CREB5: variants seen among roughly 807,000 people sequenced by gnomAD.
The protein encoded by CREB5 is cyclic AMP-responsive element-binding protein 5.
Under a neutral mutation model 57.1 loss-of-function variants are expected in CREB5, and 19 were observed. The observed-to-expected ratio is 0.33, with a 90% confidence interval of 0.23 to 0.49. The LOEUF (loss-of-function observed/expected upper bound fraction) is 0.49, where lower values mean the gene tolerates loss of function less well. Among genes scored for constraint, CREB5 ranks in the 20% least tolerant of loss-of-function variants. The pLI, the probability that CREB5 is intolerant of heterozygous loss-of-function variation, is 0.99. For synonymous variants in CREB5, 238 were observed against 238.3 expected, an observed-to-expected ratio of 1.00 and a Z score of 0.01; for missense variants, 579 against 671.6, an observed-to-expected ratio of 0.86 and a Z score of 1.52.
intron 7 of CREB5, among the ~76,000 whole-genome samples, chr7:28,764,104 A>G (rs545774662): frequency 2.0e-5 from 3 of 152,192 alleles, no homozygotes; most frequent in Admixed American, 6.5e-5. Context: ...TGCCTGGCCT[A>G]AGGATATTAT....
chr7:28,309,558 G>A (rs1184366132), intron 1 of CREB5, among the ~76,000 whole-genome samples: 1 of 152,132 alleles, frequency 6.6e-6, no homozygotes. Flanking sequence ...AGCTGGTGTT[G>A]AGAGCCAGGC....
At chr7:28,763,390 C>A (rs1221183149) in intron 7 of CREB5, among the ~76,000 whole-genome samples, 1 of 152,120 alleles carries the variant, frequency 6.6e-6, no homozygotes, top group Non-Finnish European at 1.5e-5. Context: ...TAAAGACAGT[C>A]CACTATTTCT....
intron 1 of CREB5, among the ~76,000 whole-genome samples, chr7:28,415,842 G>A (rs1189727449): frequency 6.6e-6 from 1 of 152,188 alleles, no homozygotes; most frequent in Non-Finnish European, 1.5e-5. Context: ...AGAAACGGGT[G>A]ATGTTTTCAC....
In CREB5 at chr7:28,392,335, G is replaced by T. The variant is rs116283169; in HGVS notation, c.-25+92894G>T. Among the ~76,000 whole-genome samples the T allele has an allele frequency of 7.1e-3, 1,075 of 152,272 alleles. 15 individuals are homozygous for T. The highest frequency in any genetic ancestry group is 0.024 in the African/African-American group (1,000 of 41,558). ...AAAGAGCATGCTTCTCACCATTCTT[G>T]ATCTAAGGGACTGCTCTAAGCCTCA... On this transcript the variant is annotated intron_variant, in intron 1 of 9. Transcript: ENST00000396299.
intron 4 of CREB5, among the ~76,000 whole-genome samples, chr7:28,510,906 A>C (rs185563367): frequency 6.6e-6 from 1 of 152,334 alleles, no homozygotes; most frequent in Non-Finnish European, 1.5e-5. Flanking sequence ...TCAACTTGCC[A>C]ATGGCTTAGA....
At chr7:28,521,256 G>A (rs979111635) in intron 4 of CREB5, among the ~76,000 whole-genome samples, 1 of 152,214 alleles carries the variant, frequency 6.6e-6, no homozygotes, top group Non-Finnish European at 1.5e-5. Context: ...TAGAGTTTCG[G>A]AAGGCCGTGG....
rs933922106 is a variant in CREB5, at chr7:28,825,119, A to G, written c.*5840A>G. 3.3e-5 allele frequency: 5 copies of G among 152,646 alleles called. No homozygotes were observed. Among genetic ancestry groups the G allele is most frequent in the Admixed American group, 3.3e-4 (5 of 15,282 alleles). 9.5% of individuals were successfully genotyped at this position (152,646 alleles called of 1,614,324 possible). On this transcript the variant is annotated 3_prime_UTR_variant, in exon 11 of 11. Coordinates refer to ENST00000357727, the MANE Select transcript of CREB5 (RefSeq NM_182898.4). ...ACATCATTAAAATCTTATGCACAAT[A>G]AGCTCATTAGATTCTAGTTTTCTCC...
rs1809997465 is a variant in CREB5, at chr7:28,825,265, C to G, written c.*5986C>G. 6.6e-6 allele frequency: 1 copy of G among 152,444 alleles called. No homozygotes were observed. Among genetic ancestry groups the G allele is most frequent in the Non-Finnish European group, 1.5e-5 (1 of 68,040 alleles). The allele number at this position is 152,444 out of a possible 1,614,324, so 9.4% of individuals were successfully genotyped here. A position where few individuals can be genotyped will look rare whatever the true frequency, so the allele number is the denominator to read the frequency against. Reference sequence around the variant, plus strand: ...AGCAGCCAGTAGAAAATACAACCTACTCACCTTTTTCCCTTCTAAGTTCTG... The same window carrying G: ...AGCAGCCAGTAGAAAATACAACCTAGTCACCTTTTTCCCTTCTAAGTTCTG... On this transcript the variant is annotated 3_prime_UTR_variant, in exon 11 of 11. Transcript: ENST00000357727.
intron 1 of CREB5, among the ~76,000 whole-genome samples, chr7:28,484,266 G>C (rs1457926506): frequency 6.6e-6 from 1 of 152,132 alleles, no homozygotes; most frequent in Non-Finnish European, 1.5e-5. Context: ...GTCTGTTTGA[G>C]AGAATAATTA....
chr7:28,569,910 G>GTATA (rs34823218), intron 4 of CREB5, among the ~76,000 whole-genome samples: 2 of 151,848 alleles, frequency 1.3e-5, no homozygotes, highest in Non-Finnish European at 2.9e-5. Context: ...CTTAAAAAAT[G>GTATA]TATATATATG....
chr7:28,491,103 A>C lies in CREB5; in HGVS notation c.75+2857A>C, dbSNP rs896713672. ...ATTAATGAGTGAGTGGGTGGTGAGG[A>C]AGCGGAGGTGGCAAGCATAGAGAAC... On this transcript the variant is annotated intron_variant, in intron 2 of 10. Transcript: ENST00000357727. The C allele has an allele frequency of 1.1e-5, 6 of 551,654 alleles. No individual in the cohort carries two copies. In the East Asian group the frequency reaches 4.3e-4, roughly 40 times the overall value. 34.2% of individuals were successfully genotyped at this position (551,654 alleles called of 1,614,324 possible).
intron 5 of CREB5, among the ~76,000 whole-genome samples, chr7:28,624,217 G>A (rs980796313): frequency 9.9e-5 from 15 of 152,160 alleles, no homozygotes; most frequent in African/African-American, 2.7e-4. Context: ...TCTAATTTGC[G>A]TGAATTCTAA....
At chr7:28,342,800 A>C (rs1320273527) in intron 1 of CREB5, among the ~76,000 whole-genome samples, 1 of 152,198 alleles carries the variant, frequency 6.6e-6, no homozygotes, top group Non-Finnish European at 1.5e-5. Flanking sequence ...GTACATATTG[A>C]TATGGTACAA....
chr7:28,372,121 C>T (rs1786719281), intron 1 of CREB5, among the ~76,000 whole-genome samples: 4 of 152,024 alleles, frequency 2.6e-5, no homozygotes, highest in Admixed American at 6.6e-5. Flanking sequence ...GCTGGGCTGG[C>T]GTATATACAA....
At chr7:28,685,750 C>G (rs952241203) in intron 5 of CREB5, among the ~76,000 whole-genome samples, 1 of 149,746 alleles carries the variant, frequency 6.7e-6, no homozygotes, top group Admixed American at 6.7e-5. Context: ...CCGGGTCCCT[C>G]TTGGAGCTCT....
chr7:28,331,205 C>T (rs1020344356), intron 1 of CREB5, among the ~76,000 whole-genome samples: 4 of 151,906 alleles, frequency 2.6e-5, no homozygotes, highest in African/African-American at 7.3e-5. Flanking sequence ...TTATCGCTAC[C>T]TTAAGGAGCC....
chr7:28,560,296 G>T (rs915781599), intron 4 of CREB5, among the ~76,000 whole-genome samples: 6 of 152,164 alleles, frequency 3.9e-5, no homozygotes, highest in Non-Finnish European at 7.3e-5. Context: ...CACTAGTTGC[G>T]TAATGAATAG....
intron 1 of CREB5, among the ~76,000 whole-genome samples, chr7:28,464,330 GC>G (rs1157536593): frequency 1.3e-5 from 2 of 151,936 alleles, no homozygotes; most frequent in Non-Finnish European, 2.9e-5. Flanking sequence ...CTTGTTGATT[GC>G]CTTGATATCA....
chr7:28,483,410 A>G (rs760690331), intron 1 of CREB5, among the ~76,000 whole-genome samples: 10 of 152,228 alleles, frequency 6.6e-5, no homozygotes, highest in South Asian at 6.2e-4. Flanking sequence ...TTTGTCAACC[A>G]TGAAAAACCT....
Sources: gnomAD v4.1 joint callset for allele counts (sites outside exome capture counted in the v4.1 genomes callset) on GRCh38, gnomAD v4.1.1 for gene constraint, MANE v1.5 for transcripts, NCBI Gene and HGNC (gene_info 2026-07-23, HGNC 2026-07-21) for gene names.